EYS: variants seen among roughly 807,000 people sequenced by gnomAD.
The protein encoded by EYS is EGF-like photoreceptor maintenance factor, also known as protein eyes shut homolog.
In EYS, 250 loss-of-function variants were observed where a neutral mutation model predicts 282.1. The ratio of observed to expected loss-of-function variants is 0.89; its 90% confidence interval spans 0.80 to 0.98. EYS has a LOEUF of 0.98. Ranked by LOEUF, EYS falls within the 50% of genes least tolerant of loss-of-function variation. The pLI is 0.00. For synonymous variants in EYS, 1,355 were observed against 1,282.9 expected, an observed-to-expected ratio of 1.06 and a Z score of -1.20; for missense variants, 4,016 against 3,709.0, an observed-to-expected ratio of 1.08 and a Z score of -2.15.
intron 4 of EYS, chr6:65,491,272 C>T (rs752177912): frequency 6.7e-4 from 70 of 104,732 alleles, no homozygotes; most frequent in South Asian, 3.3e-3. Flanking sequence ...CAGTTATATA[C>T]ACACACACAC....
Position 64,225,403 on chromosome 6 carries a change from G to A in EYS, c.6424+5189C>T, listed in dbSNP as rs115559459. The stretch of plus-strand genomic sequence containing the variant: ...ATGGAATTAAGATTGCTAACCAGCT[G>A]ACTCTGAGATACAGAGATTATCCTG... On this transcript the variant is annotated intron_variant, in intron 31 of 42. Coordinates refer to ENST00000503581, the MANE Select transcript of EYS (RefSeq NM_001142800.2). Among the ~76,000 whole-genome samples, 562 of 151,980 alleles carry A rather than the reference G, an allele frequency of 3.7e-3. 4 individuals are homozygous for A. The highest frequency in any genetic ancestry group is 0.013 in the African/African-American group (535 of 41,466).
In EYS at chr6:64,125,525, C is replaced by T. The variant is rs558800978; in HGVS notation, c.6425-43523G>A. On this transcript the variant is annotated intron_variant, in intron 31 of 42. Coordinates refer to ENST00000503581, the MANE Select transcript of EYS (RefSeq NM_001142800.2). ...GCCGGGCGCGGTGGCTCACGCCTGG[C>T]CTGTAATCCCAGCACTTTAGGAGGC... Among the ~76,000 whole-genome samples the T allele has an allele frequency of 1.3e-4, 19 of 151,760 alleles. 1 individual carries two copies. The South Asian group carries it at 4.0e-3, about 32-fold the overall frequency.
intron 35 of EYS, among the ~76,000 whole-genome samples, chr6:63,968,569 A>T (rs935881665): frequency 6.6e-6 from 1 of 152,218 alleles, no homozygotes; most frequent in Non-Finnish European, 1.5e-5. Flanking sequence ...TTGATTTCTC[A>T]TACCTATGTG....
chr6:64,087,959 T>C (rs535727512), intron 31 of EYS, among the ~76,000 whole-genome samples: 1 of 152,270 alleles, frequency 6.6e-6, no homozygotes, highest in African/African-American at 2.4e-5. Flanking sequence ...AGCACATCTA[T>C]TATATAATTC....
At chr6:65,445,683 CA>C in intron 5 of EYS, among the ~76,000 whole-genome samples, 2 of 151,518 alleles carry the variant, frequency 1.3e-5, no homozygotes, top group Middle Eastern at 3.4e-3. Flanking sequence ...AGAAATAAAC[CA>C]AAAAGGTATT....
chr6:65,328,118 C>A (rs548993448), intron 11 of EYS, among the ~76,000 whole-genome samples: 2 of 151,384 alleles, frequency 1.3e-5, no homozygotes, highest in East Asian at 1.9e-4. Flanking sequence ...CTGTGAAAAA[C>A]GTTTGCTTTG....
chr6:64,703,901 T>C (rs1474863822), intron 22 of EYS, among the ~76,000 whole-genome samples: 1 of 152,128 alleles, frequency 6.6e-6, no homozygotes. Flanking sequence ...AACGAGGGCA[T>C]TATTATTTTA....
At chr6:64,959,875 A>ATTTTTT (rs35264278) in intron 14 of EYS, among the ~76,000 whole-genome samples, 2 of 119,252 alleles carry the variant, frequency 1.7e-5, no homozygotes, top group Non-Finnish European at 1.7e-5. Context: ...ACGACTCAGG[A>ATTTTTT]TTTTTTTTTT....
At chr6:63,773,915 G>A (rs1389419605) in intron 40 of EYS, among the ~76,000 whole-genome samples, 1 of 152,128 alleles carries the variant, frequency 6.6e-6, no homozygotes, top group Non-Finnish European at 1.5e-5. Flanking sequence ...CAGTTTTTAG[G>A]AGAAAGGGTT....
chr6:64,078,707 GATT>G (rs1319319836), intron 32 of EYS, among the ~76,000 whole-genome samples: 8 of 151,984 alleles, frequency 5.3e-5, no homozygotes, highest in Admixed American at 4.6e-4. Flanking sequence ...GTTACAGTGG[GATT>G]ATTTTCTTAC....
intron 22 of EYS, chr6:64,731,111 C>T (rs187383008): frequency 9.9e-5 from 15 of 152,072 alleles, no homozygotes; most frequent in Admixed American, 3.3e-4. Flanking sequence ...TTCCTTATAC[C>T]TTATACAAAA....
chr6:64,146,078 T>C (rs753519341), intron 31 of EYS, among the ~76,000 whole-genome samples: 11 of 152,154 alleles, frequency 7.2e-5, no homozygotes, highest in Non-Finnish European at 1.5e-4. Context: ...TGTATAATCT[T>C]GAAGTGGCCA....
intron 1 of EYS, among the ~76,000 whole-genome samples, chr6:65,704,990 G>C (rs1285318341): frequency 6.6e-6 from 1 of 152,094 alleles, no homozygotes; most frequent in African/African-American, 2.4e-5. Flanking sequence ...TTTCCTCTGG[G>C]AACACATGGT....
At chr6:65,065,717 A>G (rs576769908) in intron 12 of EYS, among the ~76,000 whole-genome samples, 1 of 152,208 alleles carries the variant, frequency 6.6e-6, no homozygotes, top group African/African-American at 2.4e-5. Context: ...AATACACAAG[A>G]TCAGATTTAT....
intron 26 of EYS, among the ~76,000 whole-genome samples, chr6:64,521,603 A>T (rs1475293623): frequency 2.0e-5 from 3 of 151,662 alleles, no homozygotes; most frequent in Non-Finnish European, 4.4e-5. Flanking sequence ...TCATTGACAG[A>T]CTCTAACACA....
At chr6:63,952,486 C>G (rs1258612942) in intron 35 of EYS, among the ~76,000 whole-genome samples, 1 of 152,034 alleles carries the variant, frequency 6.6e-6, no homozygotes, top group African/African-American at 2.4e-5. Context: ...ACCTTTTTTT[C>G]AAGGGCCTGT....
chr6:65,207,228 A>T (rs777361268), intron 12 of EYS, among the ~76,000 whole-genome samples: 2 of 151,722 alleles, frequency 1.3e-5, no homozygotes, highest in South Asian at 4.1e-4. Flanking sequence ...TACACTAATG[A>T]CATTCGAGCT....
At chr6:65,018,113 G>A (rs781320927) in intron 13 of EYS, among the ~76,000 whole-genome samples, 17 of 152,072 alleles carry the variant, frequency 1.1e-4, no homozygotes, top group Non-Finnish European at 2.1e-4. Flanking sequence ...TTCTGTGATC[G>A]ATAAAAAAAC....
chr6:63,890,308 C>T (rs373502174), intron 35 of EYS, among the ~76,000 whole-genome samples: 1 of 152,190 alleles, frequency 6.6e-6, no homozygotes. Context: ...CTTCTCAGCA[C>T]CACATAGCAC....
Sources: allele counts gnomAD v4.1 joint callset (sites outside exome capture counted in the v4.1 genomes callset), GRCh38; gene constraint gnomAD v4.1.1; transcripts MANE v1.5; gene names NCBI Gene and HGNC (gene_info 2026-07-23, HGNC 2026-07-21).